L3MBTL4: variants seen among roughly 807,000 people sequenced by gnomAD.
L3MBTL4 encodes the protein lethal(3)malignant brain tumor-like protein 4.
A neutral mutation model predicts 84.5 loss-of-function variants in L3MBTL4; 70 were observed. That is an observed-to-expected ratio of 0.83 (90% CI 0.68 to 1.01). The LOEUF is 1.01. Among genes scored for constraint, L3MBTL4 ranks in the 50% least tolerant of loss-of-function variants. The probability of loss-of-function intolerance (pLI) is 0.00; values close to 1 mark genes in which losing one functional copy is unlikely to be tolerated. For synonymous variants in L3MBTL4, 274 were observed against 259.8 expected (o/e 1.05, Z -0.52); for missense variants, 715 against 754.8 (o/e 0.95, Z 0.62).
intron 5 of L3MBTL4, among the ~76,000 whole-genome samples, chr18:6,254,938 A>G (rs1211186373): frequency 6.6e-6 from 1 of 152,232 alleles, no homozygotes; most frequent in Non-Finnish European, 1.5e-5. Flanking sequence ...AGCAAAGATC[A>G]TTTATGAACA....
chr18:5,975,853 C>T (rs1313771784), intron 16 of L3MBTL4, among the ~76,000 whole-genome samples: 1 of 152,244 alleles, frequency 6.6e-6, no homozygotes, highest in Non-Finnish European at 1.5e-5. Flanking sequence ...GCTCCTCAGA[C>T]ATGGGCATGG....
At chr18:6,225,535 G>A (rs1309889192) in intron 10 of L3MBTL4, among the ~76,000 whole-genome samples, 2 of 152,174 alleles carry the variant, frequency 1.3e-5, no homozygotes, top group African/African-American at 4.8e-5. Flanking sequence ...CAAGGCAGGT[G>A]GATAGGTTGA....
chr18:6,071,716 GGAAA>G (rs1226085319), intron 16 of L3MBTL4, among the ~76,000 whole-genome samples: 1 of 42,426 alleles, frequency 2.4e-5, no homozygotes, highest in Non-Finnish European at 5.0e-5. Context: ...AAAGAAAGAA[GGAAA>G]GAAAGAAGGA....
At chr18:6,302,005 G>A (rs766880302) in intron 3 of L3MBTL4, 48 bp from the exon 4 acceptor site, 2 of 1,417,508 alleles carry the variant, frequency 1.4e-6, no homozygotes, top group Non-Finnish European at 2.0e-6. Flanking sequence ...GATAATTGTT[G>A]GAAACACTGA....
At chr18:6,310,214 T>C (rs2050766671) in intron 3 of L3MBTL4, among the ~76,000 whole-genome samples, 1 of 152,202 alleles carries the variant, frequency 6.6e-6, no homozygotes, top group African/African-American at 2.4e-5. Context: ...GAATGACATC[T>C]TCACCTAAGC....
intron 16 of L3MBTL4, among the ~76,000 whole-genome samples, chr18:6,040,875 T>C (rs191312537): frequency 7.2e-4 from 109 of 152,328 alleles, no homozygotes; most frequent in African/African-American, 2.6e-3. Context: ...GGGAGGAGAT[T>C]AAGTCAACAT....
chr18:5,978,092 C>T (rs1184701594), intron 16 of L3MBTL4, among the ~76,000 whole-genome samples: 1 of 152,206 alleles, frequency 6.6e-6, no homozygotes, highest in Non-Finnish European at 1.5e-5. Context: ...AGGAATTGTA[C>T]TGCAGGGATA....
At chr18:5,974,631 G>C (rs1043279410) in intron 16 of L3MBTL4, among the ~76,000 whole-genome samples, 1 of 152,130 alleles carries the variant, frequency 6.6e-6, no homozygotes, top group Non-Finnish European at 1.5e-5. Flanking sequence ...CTTGCGACAC[G>C]AGGCAGAGCA....
rs116652588 is a variant in L3MBTL4, at chr18:6,270,069, C to T, written c.128-6031G>A. 3.5e-3 allele frequency among the ~76,000 whole-genome samples: 528 copies of T among 152,226 alleles called. 2 individuals are homozygous for T. The highest frequency in any genetic ancestry group is 0.012 in the African/African-American group (501 of 41,522). On this transcript the variant is annotated intron_variant, in intron 4 of 18. Coordinates refer to ENST00000317931, the MANE Select transcript of L3MBTL4 (RefSeq NM_001330559.2). ...TGCACGTGACTTCATCAGGAAATGCCTTAGAATATGTGAGAAACAACTGTC... is the reference window on the plus strand; with the variant it reads ...TGCACGTGACTTCATCAGGAAATGCTTTAGAATATGTGAGAAACAACTGTC...
At chr18:6,005,818 T>C (rs372243489) in intron 16 of L3MBTL4, among the ~76,000 whole-genome samples, 43 of 152,314 alleles carry the variant, frequency 2.8e-4, no homozygotes, top group South Asian at 2.5e-3. Flanking sequence ...TGTATCTTGA[T>C]GGTAGAAAAA....
intron 1 of L3MBTL4, among the ~76,000 whole-genome samples, chr18:6,313,312 G>A (rs753746378): frequency 5.3e-5 from 8 of 152,102 alleles, no homozygotes; most frequent in South Asian, 2.1e-4. Flanking sequence ...ATTAGTTCTC[G>A]ATCCATACAT....
At position 6,046,641 on chromosome 18, in the gene L3MBTL4, A is replaced by C; in HGVS notation, c.1444+34240T>G. ...ATTACATGGAAATTAGAAAACTTGCACCTGAATGACTTTTAGGTAAATAAC... is the reference window on the plus strand; with the variant it reads ...ATTACATGGAAATTAGAAAACTTGCCCCTGAATGACTTTTAGGTAAATAAC... On this transcript the variant is annotated intron_variant, in intron 16 of 18. Transcript: ENST00000317931. 3 of 676,742 alleles carry C rather than the reference A, an allele frequency of 4.4e-6. No individual in the cohort carries two copies. In the South Asian group the frequency reaches 5.3e-5, roughly 12 times the overall value. 41.9% of individuals were successfully genotyped at this position (676,742 alleles called of 1,614,324 possible).
chr18:6,058,475 G>A (rs764424918), intron 16 of L3MBTL4, among the ~76,000 whole-genome samples: 3 of 151,822 alleles, frequency 2.0e-5, no homozygotes, highest in African/African-American at 4.8e-5. Flanking sequence ...GGAAGTTTTT[G>A]TTTGTTTTTG....
intron 1 of L3MBTL4, among the ~76,000 whole-genome samples, chr18:6,400,376 A>T (rs1234956480): frequency 6.6e-6 from 1 of 152,152 alleles, no homozygotes; most frequent in East Asian, 1.9e-4. Flanking sequence ...TCCAGGGGTT[A>T]TATTGAAGAA....
intron 4 of L3MBTL4, among the ~76,000 whole-genome samples, chr18:6,271,320 ATAAAT>A (rs902253090): frequency 6.6e-6 from 1 of 152,328 alleles, no homozygotes; most frequent in Non-Finnish European, 1.5e-5. Flanking sequence ...CATTGTATTT[ATAAAT>A]TATAGTATCA....
intron 4 of L3MBTL4, among the ~76,000 whole-genome samples, chr18:6,271,804 G>A (rs1482219345): frequency 6.6e-6 from 1 of 152,144 alleles, no homozygotes; most frequent in Non-Finnish European, 1.5e-5. Context: ...CTGGGAGAGG[G>A]TTTTCACGGG....
intron 12 of L3MBTL4, among the ~76,000 whole-genome samples, chr18:6,189,026 A>C (rs1161937302): frequency 6.6e-6 from 1 of 152,212 alleles, no homozygotes; most frequent in African/African-American, 2.4e-5. Context: ...TTATTCTCTC[A>C]CAGTTCTGGG....
intron 4 of L3MBTL4, among the ~76,000 whole-genome samples, chr18:6,275,017 C>T (rs1414861233): frequency 6.6e-6 from 1 of 152,182 alleles, no homozygotes; most frequent in Non-Finnish European, 1.5e-5. Flanking sequence ...TTCAGAGACG[C>T]TGAATCTTTG....
chr18:6,305,913 T>A (rs1200345094), intron 3 of L3MBTL4, among the ~76,000 whole-genome samples: 1 of 152,184 alleles, frequency 6.6e-6, no homozygotes, highest in East Asian at 1.9e-4. Flanking sequence ...GCTACTGATT[T>A]GTGGTTGGCA....
Sources: gnomAD v4.1 joint callset for allele counts (sites outside exome capture counted in the v4.1 genomes callset) on GRCh38, gnomAD v4.1.1 for gene constraint, MANE v1.5 for transcripts, NCBI Gene and HGNC (gene_info 2026-07-23, HGNC 2026-07-21) for gene names.